The following ZFHX3 variants were observed in gnomAD, a reference collection of about 807,000 sequenced individuals.
The protein encoded by ZFHX3 is zinc finger homeobox protein 3.
ZFHX3 carries 42 observed loss-of-function variants against 279.1 expected under a neutral mutation model. That is an observed-to-expected ratio of 0.15 (90% CI 0.12 to 0.19). The LOEUF is 0.19. Ranked by LOEUF, ZFHX3 falls within the 10% of genes least tolerant of loss-of-function variation. The pLI is 1.00. For synonymous variants in ZFHX3, 2,293 were observed against 1,957.8 expected, an observed-to-expected ratio of 1.17 and a Z score of -4.52; for missense variants, 4,981 against 4,754.0, an observed-to-expected ratio of 1.05 and a Z score of -1.40.
intron 1 of ZFHX3, among the ~76,000 whole-genome samples, chr16:72,987,604 T>C (rs750454564): frequency 6.6e-6 from 1 of 152,198 alleles, no homozygotes; most frequent in Non-Finnish European, 1.5e-5. Context: ...GCAGCTCCTT[T>C]ATAGACATCT....
At chr16:72,927,567 G>C (rs1005056439) in intron 3 of ZFHX3, among the ~76,000 whole-genome samples, 3 of 152,176 alleles carry the variant, frequency 2.0e-5, no homozygotes, top group African/African-American at 4.8e-5. Flanking sequence ...AAAATATCTC[G>C]TGACTTGGAC....
chr16:73,870,395 T>A (rs1962129341), intron 1 of ZFHX3, among the ~76,000 whole-genome samples: 1 of 152,124 alleles, frequency 6.6e-6, no homozygotes, highest in South Asian at 2.1e-4. Flanking sequence ...ATGCATCTGT[T>A]CAGTCCTACG....
At chr16:73,429,045 C>T (rs2017862908) in intron 3 of ZFHX3, among the ~76,000 whole-genome samples, 2 of 152,160 alleles carry the variant, frequency 1.3e-5, no homozygotes, top group Admixed American at 6.5e-5. Context: ...TGGACCCCTC[C>T]ATGTCTAGAG....
At position 73,665,212 on chromosome 16, in the gene ZFHX3, C is replaced by CTTT. The variant is rs11410802; in HGVS notation, c.-1547+14965_-1547+14967dup. Among the ~76,000 whole-genome samples the CTTT allele has an allele frequency of 2.7e-4, 37 of 138,528 alleles. 1 individual carries two copies. Among genetic ancestry groups the CTTT allele is most frequent in the Non-Finnish European group, 3.1e-4 (20 of 64,948 alleles). The allele number at this position is 138,528 out of a possible 152,430, so 90.9% of individuals were successfully genotyped here. A position where few individuals can be genotyped will look rare whatever the true frequency, so the allele number is the denominator to read the frequency against. On this transcript the variant is annotated intron_variant, in intron 2 of 17. Coordinates refer to the ZFHX3 transcript ENST00000641206. ...GATGATCTTTCTGATCATCATTGCA[C>CTTT]TTTTTTTTTTTTTTTTGGTGAGACA...
intron 5 of ZFHX3, among the ~76,000 whole-genome samples, chr16:73,204,140 T>C (rs1472722999): frequency 6.6e-6 from 1 of 152,042 alleles, no homozygotes; most frequent in Non-Finnish European, 1.5e-5. Flanking sequence ...CCCAACTTTT[T>C]TGGCATCAGG....
chr16:73,762,668 C>T (rs2053883150), intron 1 of ZFHX3, among the ~76,000 whole-genome samples: 1 of 152,152 alleles, frequency 6.6e-6, no homozygotes, highest in Non-Finnish European at 1.5e-5. Context: ...GAGATCATGT[C>T]CTTTGCAGGG....
At chr16:73,249,243 T>C (rs933755351) in intron 5 of ZFHX3, among the ~76,000 whole-genome samples, 2 of 152,266 alleles carry the variant, frequency 1.3e-5, no homozygotes, top group African/African-American at 2.4e-5. Context: ...TAACTTACTT[T>C]CTTTGAAGCC....
At chr16:73,225,144 T>G (rs946313737) in intron 5 of ZFHX3, among the ~76,000 whole-genome samples, 2 of 152,210 alleles carry the variant, frequency 1.3e-5, no homozygotes, top group African/African-American at 4.8e-5. Context: ...ATTAGTGTAC[T>G]GCCAAGTCTT....
intron 3 of ZFHX3, among the ~76,000 whole-genome samples, chr16:73,390,463 G>A (rs1249763724): frequency 1.3e-5 from 2 of 152,170 alleles, no homozygotes; most frequent in East Asian, 1.9e-4. Flanking sequence ...AGCTGGATAT[G>A]CCAAGCTTTG....
Position 73,862,387 on chromosome 16 carries a change from G to T in ZFHX3, c.-1608+29264C>A, listed in dbSNP as rs371883469. Among the ~76,000 whole-genome samples the T allele has an allele frequency of 5.3e-5, 8 of 152,302 alleles. No homozygotes were observed. In the South Asian group the frequency reaches 1.5e-3, roughly 28 times the overall value. On this transcript the variant is annotated intron_variant, in intron 1 of 17. Coordinates refer to the ZFHX3 transcript ENST00000641206. The stretch of plus-strand genomic sequence containing the variant: ...TTGGAAAGTTCTTGGTTACATGCTT[G>T]ACACATAGTAAAAATCTATGTATGT...
rs376279899 is a variant in ZFHX3, at chr16:72,958,950, G to C, written c.1196C>G (p.Thr399Ser). The part of the protein sequence containing the change: ...QPQAGLLTPS[T>S]LLNLGGLTSS... ...GGTGAGCCCGCCAAGGTTCAACAGG[G>C]TGCTGGGGGTCAAGAGACCAGCCTG... is the stretch of plus-strand genomic sequence containing the variant. Residue 399 changes from threonine to serine, a missense_variant, in exon 2 of 10, where the codon ACC (threonine) becomes AGC (serine). Transcript: ENST00000268489. The C allele has an allele frequency of 4.3e-5, 69 of 1,598,640 alleles. No homozygotes were observed. In the African/African-American group the frequency reaches 7.8e-4, roughly 18 times the overall value.
At chr16:72,929,661 C>G (rs536686601) in intron 3 of ZFHX3, among the ~76,000 whole-genome samples, 1 of 152,304 alleles carries the variant, frequency 6.6e-6, no homozygotes, top group South Asian at 2.1e-4. Flanking sequence ...ACGCGGGCTG[C>G]GACAGGGCCC....
rs577815195 is a variant in ZFHX3 at position 72,992,994 on chromosome 16, G to A, written c.-49-32800C>T. ...TCTACTAAAAATAGAAAAATTAGCC[G>A]GGCATGGCGCTAGGCGCCTGTAATC... On this transcript the variant is annotated intron_variant, in intron 1 of 9. Transcript: ENST00000268489. Among the ~76,000 whole-genome samples, 32 of 152,322 alleles carry A rather than the reference G, an allele frequency of 2.1e-4. 1 individual carries two copies. In the South Asian group the frequency reaches 5.0e-3, roughly 24 times the overall value.
At chr16:73,475,184 G>A (rs150809522) in intron 2 of ZFHX3, among the ~76,000 whole-genome samples, 50 of 152,146 alleles carry the variant, frequency 3.3e-4, no homozygotes, top group Non-Finnish European at 4.7e-4. Flanking sequence ...AAAAGATAGC[G>A]CTGGGAATAA....
chr16:72,788,065 G>C lies in ZFHX3; in HGVS notation c.10211C>G (p.Pro3404Arg). ...QQPKASQTPV[P>R]PGAPSPDKDP... Reference sequence around the variant, plus strand: ...TTTGTCTGGGGAAGGAGCCCCGGGGGGGACTGGGGTTTGGCTTGCTTTGGG... The same window carrying C: ...TTTGTCTGGGGAAGGAGCCCCGGGGCGGACTGGGGTTTGGCTTGCTTTGGG... Residue 3404 changes from proline (P) to arginine (R), a missense_variant, in exon 10 of 10, where the codon CCC (proline) becomes CGC (arginine). Coordinates refer to ENST00000268489, the MANE Select transcript of ZFHX3 (RefSeq NM_006885.4). The C allele has an allele frequency of 6.2e-7, 1 of 1,611,966 alleles. No homozygotes were observed. The highest frequency in any genetic ancestry group is 8.5e-7 in the Non-Finnish European group (1 of 1,179,832).
chr16:73,538,349 T>C (rs571864485), intron 2 of ZFHX3, among the ~76,000 whole-genome samples: 4 of 152,056 alleles, frequency 2.6e-5, no homozygotes, highest in Admixed American at 2.0e-4. Context: ...TAATTAAAAG[T>C]TCATGAAAAA....
chr16:73,627,123 T>A (rs4888532), intron 2 of ZFHX3, among the ~76,000 whole-genome samples: 125,442 of 152,166 alleles, frequency 0.82, 52,554 homozygotes, highest in East Asian at 0.99. Context: ...ATCTTCCAAG[T>A]TAGAAGAATA....
Position 73,861,942 on chromosome 16 carries a change from G to T in ZFHX3, c.-1608+29709C>A, listed in dbSNP as rs73603559. On this transcript the variant is annotated intron_variant, in intron 1 of 17. Coordinates refer to the ZFHX3 transcript ENST00000641206. ...TTGTTTTGTCGAGAGGACTTCTGCA[G>T]TCGTCACATCTCAAAATCTCTGGAA... Among the ~76,000 whole-genome samples, 807 of 152,338 alleles carry T rather than the reference G, an allele frequency of 5.3e-3. 10 individuals carry two copies. The highest frequency in any genetic ancestry group is 0.019 in the African/African-American group (786 of 41,574).
At chr16:72,824,002 T>C (rs1452019447) in intron 5 of ZFHX3, among the ~76,000 whole-genome samples, 2 of 152,210 alleles carry the variant, frequency 1.3e-5, no homozygotes, top group East Asian at 1.9e-4. Context: ...TCACAGATTA[T>C]ATTTCAGGCA....
Sources: gnomAD v4.1 joint callset for allele counts (sites outside exome capture counted in the v4.1 genomes callset) on GRCh38, gnomAD v4.1.1 for gene constraint, MANE v1.5 for transcripts, NCBI Gene and HGNC (gene_info 2026-07-23, HGNC 2026-07-21) for gene names.